Variants in PACRG observed in about 807,000 individuals in gnomAD.
PACRG encodes the protein parkin coregulated gene protein.
A neutral mutation model predicts 29.7 loss-of-function variants in PACRG; 29 were observed. That is an observed-to-expected ratio of 0.98 (90% CI 0.73 to 1.33). The LOEUF (loss-of-function observed/expected upper bound fraction) is 1.33. Ranked by LOEUF, PACRG falls within the 40% of genes most tolerant of loss-of-function variation. PACRG has a pLI of 0.00. For synonymous variants in PACRG, 116 were observed against 118.7 expected, an observed-to-expected ratio of 0.98 and a Z score of 0.15; for missense variants, 279 against 316.2, an observed-to-expected ratio of 0.88 and a Z score of 0.89.
At chr6:163,027,550 GA>G in intron 2 of PACRG, among the ~76,000 whole-genome samples, 1 of 152,070 alleles carries the variant, frequency 6.6e-6, no homozygotes, top group African/African-American at 2.4e-5. Flanking sequence ...CACATGAATA[GA>G]AAAAAATCTT....
intron 4 of PACRG, among the ~76,000 whole-genome samples, chr6:163,232,318 C>T (rs1468921233): frequency 6.6e-6 from 1 of 152,186 alleles, no homozygotes; most frequent in Non-Finnish European, 1.5e-5. Flanking sequence ...GAGGCTCCTC[C>T]GCTGCTGCAA....
chr6:163,118,518 G>GTA, intron 4 of PACRG, among the ~76,000 whole-genome samples: 1 of 152,136 alleles, frequency 6.6e-6, no homozygotes, highest in Non-Finnish European at 1.5e-5. Context: ...ATAGATCCCC[G>GTA]TTTCTGGGTC....
At chr6:162,861,810 C>T (rs1170945995) in intron 2 of PACRG, among the ~76,000 whole-genome samples, 1 of 152,158 alleles carries the variant, frequency 6.6e-6, no homozygotes, top group Non-Finnish European at 1.5e-5. Context: ...CTTTAGATCT[C>T]TGTTGTAAAG....
chr6:162,747,728 A>C (rs1223820184), intron 1 of PACRG, among the ~76,000 whole-genome samples: 1 of 151,778 alleles, frequency 6.6e-6, no homozygotes, highest in Non-Finnish European at 1.5e-5. Flanking sequence ...GAGACAGTTT[A>C]AGGTGATTTC....
rs73609749 is a variant in PACRG at position 163,001,875 on chromosome 6, G to T, written c.292-60275G>T. ...ACATTATTATATACATTTGGCATTTGTTTAGCCCCAGAAAATTCACTCATC... is the reference window on the plus strand; with the variant it reads ...ACATTATTATATACATTTGGCATTTTTTTAGCCCCAGAAAATTCACTCATC... On this transcript the variant is annotated intron_variant, in intron 2 of 4. Transcript: ENST00000366888. Among the ~76,000 whole-genome samples the T allele has an allele frequency of 4.4e-3, 665 of 152,220 alleles. 5 individuals carry two copies. Among genetic ancestry groups the T allele is most frequent in the African/African-American group, 0.015 (640 of 41,526 alleles).
chr6:163,240,634 C>T (rs1461892201), intron 4 of PACRG, among the ~76,000 whole-genome samples: 3 of 152,150 alleles, frequency 2.0e-5, no homozygotes, highest in African/African-American at 7.2e-5. Context: ...CCAGACCTCA[C>T]GCTCCTAAAC....
At chr6:162,958,239 T>C (rs1800217123) in intron 2 of PACRG, among the ~76,000 whole-genome samples, 1 of 152,182 alleles carries the variant, frequency 6.6e-6, no homozygotes, top group African/African-American at 2.4e-5. Context: ...ATGCCAGCCT[T>C]AAGATTAACT....
chr6:163,056,083 T>C (rs924950655), intron 2 of PACRG, among the ~76,000 whole-genome samples: 2 of 152,210 alleles, frequency 1.3e-5, no homozygotes, highest in Admixed American at 1.3e-4. Flanking sequence ...CACATTAGCA[T>C]GGCCACAATG....
intron 4 of PACRG, among the ~76,000 whole-genome samples, chr6:163,291,476 G>A (rs1034880514): frequency 1.3e-5 from 2 of 152,108 alleles, no homozygotes; most frequent in Non-Finnish European, 2.9e-5. Context: ...GGCCTGCGGG[G>A]CATCTGCAGC....
At chr6:162,851,579 G>A (rs1177638866) in intron 2 of PACRG, among the ~76,000 whole-genome samples, 3 of 151,876 alleles carry the variant, frequency 2.0e-5, no homozygotes, top group African/African-American at 7.3e-5. Context: ...GTACCATTAG[G>A]GATCTGATTC....
chr6:162,965,822 A>T (rs760565016), intron 2 of PACRG, among the ~76,000 whole-genome samples: 1 of 152,250 alleles, frequency 6.6e-6, no homozygotes, highest in Non-Finnish European at 1.5e-5. Context: ...GTTTTCACCC[A>T]CTGACCTCTT....
intron 1 of PACRG, among the ~76,000 whole-genome samples, chr6:162,808,488 A>G (rs904336218): frequency 5.9e-5 from 9 of 152,208 alleles, no homozygotes; most frequent in Admixed American, 6.5e-5. Flanking sequence ...GAAATTTTCA[A>G]ACTATATGAT....
intron 4 of PACRG, among the ~76,000 whole-genome samples, chr6:163,111,244 A>G (rs73027159): frequency 0.012 from 1,762 of 152,260 alleles, 21 homozygotes; most frequent in Non-Finnish European, 0.017. Context: ...GCACCAACTC[A>G]TACCTGAGCT....
chr6:163,151,185 G>A (rs1201075441), intron 4 of PACRG, among the ~76,000 whole-genome samples: 1 of 152,148 alleles, frequency 6.6e-6, no homozygotes, highest in African/African-American at 2.4e-5. Flanking sequence ...GACTTATTTA[G>A]TGGAGCTGAA....
chr6:163,222,664 A>C (rs1348762890), intron 4 of PACRG, among the ~76,000 whole-genome samples: 2 of 152,222 alleles, frequency 1.3e-5, no homozygotes, highest in Non-Finnish European at 2.9e-5. Context: ...GAGTGGAATT[A>C]ATGGCCATCC....
At chr6:163,022,166 C>T (rs2128221243) in intron 2 of PACRG, among the ~76,000 whole-genome samples, 1 of 152,282 alleles carries the variant, frequency 6.6e-6, no homozygotes, top group African/African-American at 2.4e-5. Context: ...CCCACTGACT[C>T]ATTTCTACTT....
intron 2 of PACRG, among the ~76,000 whole-genome samples, chr6:162,950,893 T>A (rs184627726): frequency 1.4e-4 from 21 of 152,342 alleles, no homozygotes; most frequent in Admixed American, 1.3e-3. Flanking sequence ...AAGCTTGTTC[T>A]AGCACTTAGT....
intron 4 of PACRG, among the ~76,000 whole-genome samples, chr6:163,122,536 T>G (rs908643266): frequency 6.6e-6 from 1 of 152,134 alleles, no homozygotes; most frequent in African/African-American, 2.4e-5. Context: ...TAAAAAAGCC[T>G]GGCACCTCCC....
intron 4 of PACRG, 133 bp from the exon 5 acceptor site, chr6:163,314,694 C>T (rs975326654): frequency 2.9e-6 from 3 of 1,027,350 alleles, no homozygotes; most frequent in Non-Finnish European, 4.0e-6. Context: ...TTTTAAAACT[C>T]CGCAAGATCG....
Sources: allele counts gnomAD v4.1 joint callset (sites outside exome capture counted in the v4.1 genomes callset), GRCh38; gene constraint gnomAD v4.1.1; transcripts MANE v1.5; gene names NCBI Gene and HGNC (gene_info 2026-07-23, HGNC 2026-07-21).